Variants in CD1B observed in about 807,000 individuals in gnomAD.
CD1B encodes the protein T-cell surface glycoprotein CD1b.
Under a neutral mutation model 39.8 loss-of-function variants are expected in CD1B, and 43 were observed. The observed-to-expected ratio is 1.08, with a 90% CI of 0.85 to 1.39. The LOEUF (loss-of-function observed/expected upper bound fraction) is 1.39. Ranked by LOEUF, CD1B falls within the 40% of genes most tolerant of loss-of-function variation. CD1B has a pLI of 0.00. For missense variants in CD1B, 495 were observed against 403.8 expected (o/e 1.23, Z -1.94); for synonymous variants, 192 against 152.5 (o/e 1.26, Z -1.91).
intron 3 of CD1B, 71 bp from the exon 4 acceptor site, chr1:158,329,719 A>G: frequency 6.4e-7 from 1 of 1,573,332 alleles, no homozygotes; most frequent in Non-Finnish European, 8.6e-7. Context: ...TCAGAAACCT[A>G]CAAGCTTGGA....
downstream of CD1B, among the ~76,000 whole-genome samples, chr1:158,327,550 C>A (rs1652399387): frequency 6.6e-6 from 1 of 152,180 alleles, no homozygotes; most frequent in South Asian, 2.1e-4. Context: ...GCAGTTACAG[C>A]AACTCAGATA....
At chr1:158,292,875 GT>G in the CD1B span, 1 of 1,613,694 alleles carries the variant, frequency 6.2e-7, no homozygotes, top group South Asian at 1.1e-5. Context: ...CTCTACTGGG[GT>G]AAGACTGGAG....
At chr1:158,305,809 G>C in the CD1B span, among the ~76,000 whole-genome samples, 1 of 152,216 alleles carries the variant, frequency 6.6e-6, no homozygotes, top group African/African-American at 2.4e-5. Context: ...TTTCAAACCA[G>C]AATTTCATAT....
chr1:158,309,591 A>G, the CD1B span, among the ~76,000 whole-genome samples: 1 of 152,168 alleles, frequency 6.6e-6, no homozygotes. Flanking sequence ...CAAATGTCTA[A>G]CAATGATAGA....
the CD1B span, chr1:158,291,519 A>G: frequency 2.0e-6 from 2 of 1,018,724 alleles, no homozygotes. Flanking sequence ...TTCTGCATAG[A>G]TGAACCTTTT....
chr1:158,320,922 T>G, the CD1B span, among the ~76,000 whole-genome samples: 1 of 152,204 alleles, frequency 6.6e-6, no homozygotes, highest in Admixed American at 6.5e-5. Context: ...TATTGCAGCT[T>G]AACATAAGAT....
the CD1B span, among the ~76,000 whole-genome samples, chr1:158,319,359 A>G: frequency 6.6e-6 from 1 of 152,098 alleles, no homozygotes; most frequent in Middle Eastern, 3.4e-3. Context: ...GGCTTTGTTG[A>G]TTTCTTTTTA....
the CD1B span, among the ~76,000 whole-genome samples, chr1:158,291,831 T>C: frequency 6.6e-6 from 1 of 152,170 alleles, no homozygotes; most frequent in Non-Finnish European, 1.5e-5. Context: ...TCCTATATTA[T>C]GTGGCTCACC....
chr1:158,303,344 T>G, the CD1B span, among the ~76,000 whole-genome samples: 2 of 152,142 alleles, frequency 1.3e-5, no homozygotes, highest in Non-Finnish European at 1.5e-5. Flanking sequence ...AACAAAAGCT[T>G]GAAGCATTCC....
chr1:158,311,529 T>C, the CD1B span, among the ~76,000 whole-genome samples: 10 of 152,306 alleles, frequency 6.6e-5, no homozygotes, highest in African/African-American at 2.2e-4. Context: ...TTGTCTATTT[T>C]GTTTTGTATT....
At chr1:158,291,137 C>T in the CD1B span, 178 of 1,611,948 alleles carry the variant, frequency 1.1e-4, no homozygotes, top group Non-Finnish European at 1.5e-4. Flanking sequence ...CCAAAAGCAT[C>T]CCAGGAACAC....
chr1:158,331,367 T>G lies in CD1B; in HGVS notation c.57A>C (p.Glu19Asp), dbSNP rs758858577. 6.2e-7 allele frequency: 1 copy of G among 1,613,514 alleles called. No homozygotes were observed. The highest frequency in any genetic ancestry group is 8.5e-7 in the Non-Finnish European group (1 of 1,179,560). The change falls in exon 1 of 6, where the codon GAA (glutamate) becomes GAC (aspartate). Residue 19 changes from glutamate to aspartate, a missense_variant. Transcript: ENST00000368168. Reference protein sequence around the residue: ...LAVLFPGGNSEHAFQGPTSFH... With the variant: ...LAVLFPGGNSDHAFQGPTSFH... ...AGCTGCCAGAGTGACTCTTACCATG[T>G]TCACTGTTACCACCAGGAAAGAGAA...
At chr1:158,313,640 A>G in the CD1B span, among the ~76,000 whole-genome samples, 1 of 152,080 alleles carries the variant, frequency 6.6e-6, no homozygotes, top group Non-Finnish European at 1.5e-5. Context: ...TTGTTGTGTC[A>G]TCTAGTTTTT....
At chr1:158,299,452 C>T in the CD1B span, among the ~76,000 whole-genome samples, 7 of 151,982 alleles carry the variant, frequency 4.6e-5, no homozygotes, top group Admixed American at 6.6e-5. Flanking sequence ...CAGTGTTCAT[C>T]GGGGACATTG....
At chr1:158,291,430 T>C in the CD1B span, 23 of 1,602,340 alleles carry the variant, frequency 1.4e-5, no homozygotes, top group Non-Finnish European at 1.9e-5. Context: ...TTATGGGAGT[T>C]CTTTAGAATG....
rs780662796 is a variant in CD1B, at chr1:158,328,935, C to A, written c.966G>T (p.Trp322Cys). Residue 322 changes from tryptophan (W) to cysteine (C), a missense_variant, in exon 5 of 6, where the codon TGG becomes TGT. By Grantham distance (215) the Trp-to-Cys change is radical (BLOSUM62 -2). Transcript: ENST00000368168. ...SLLLLLCLALWYMRRRSYQNI... is the reference protein window; with the variant it reads ...SLLLLLCLALCYMRRRSYQNI... ...CCACAACTCACCGGCGCCTCATATA[C>A]CATAATGCAAGGCATAGCAAAAGGA... 5.6e-6 allele frequency: 9 copies of A among 1,611,410 alleles called. No individual in the cohort carries two copies. Among genetic ancestry groups the A allele is most frequent in the Non-Finnish European group, 5.1e-6 (6 of 1,179,012 alleles).
the CD1B span, among the ~76,000 whole-genome samples, chr1:158,313,027 T>A: frequency 6.6e-6 from 1 of 152,234 alleles, no homozygotes; most frequent in Admixed American, 6.5e-5. Flanking sequence ...GTTCCTTATA[T>A]ACCTAATTTA....
chr1:158,305,230 A>G, the CD1B span, among the ~76,000 whole-genome samples: 1 of 152,214 alleles, frequency 6.6e-6, no homozygotes, highest in Non-Finnish European at 1.5e-5. Flanking sequence ...AGCAATGCAG[A>G]GAAGTCTTTA....
intron 2 of CD1B, 92 bp downstream of exon 2, chr1:158,330,704 G>A: frequency 1.6e-6 from 2 of 1,268,398 alleles, no homozygotes; most frequent in African/African-American, 2.9e-5. Flanking sequence ...AAATAGAAAG[G>A]AAGGGAGAAG....
Sources: allele counts gnomAD v4.1 joint callset (sites outside exome capture counted in the v4.1 genomes callset), GRCh38; gene constraint gnomAD v4.1.1; transcripts MANE v1.5; gene names NCBI Gene and HGNC (gene_info 2026-07-23, HGNC 2026-07-21).